Variants in WASF3 observed in about 807,000 individuals in gnomAD.
The protein encoded by WASF3 is WASP family member 3, also known as actin-binding protein WASF3.
WASF3 carries 11 observed loss-of-function variants against 46.6 expected under a neutral mutation model. The observed-to-expected ratio is 0.24, with a 90% confidence interval of 0.15 to 0.39. WASF3 has a LOEUF of 0.39. WASF3 is among the 10% of genes least tolerant of loss of function. WASF3 has a pLI of 1.00. For missense variants in WASF3, 576 were observed against 669.8 expected, an observed-to-expected ratio of 0.86 and a Z score of 1.55; for synonymous variants, 242 against 259.7, an observed-to-expected ratio of 0.93 and a Z score of 0.65.
At chr13:26,618,447 A>G (rs1011497360) in intron 2 of WASF3, among the ~76,000 whole-genome samples, 4 of 151,922 alleles carry the variant, frequency 2.6e-5, no homozygotes, top group African/African-American at 9.7e-5. Flanking sequence ...TCCTTCTCTG[A>G]CACACACTCT....
intron 1 of WASF3, among the ~76,000 whole-genome samples, chr13:26,611,071 C>T (rs912591396): frequency 1.6e-5 from 2 of 124,996 alleles, no homozygotes; most frequent in Non-Finnish European, 1.6e-5. Context: ...GGGGTTTTGC[C>T]GTGTTGCCCA....
upstream of WASF3, among the ~76,000 whole-genome samples, chr13:26,553,824 A>G (rs1408930015): frequency 6.6e-6 from 1 of 151,966 alleles, no homozygotes; most frequent in Non-Finnish European, 1.5e-5. Flanking sequence ...CTCAAAAAAA[A>G]AAAAAAATTA....
chr13:26,590,522 A>AAT (rs1441772566), intron 1 of WASF3, among the ~76,000 whole-genome samples: 1 of 152,150 alleles, frequency 6.6e-6, no homozygotes, highest in African/African-American at 2.4e-5. Context: ...ATGCCCTATA[A>AAT]ATCTACTCAC....
At chr13:26,559,756 T>A (rs1210726283) in intron 1 of WASF3, among the ~76,000 whole-genome samples, 1 of 151,348 alleles carries the variant, frequency 6.6e-6, no homozygotes, top group Non-Finnish European at 1.5e-5. Context: ...TGGCTCTCCA[T>A]TGCTGTAGAC....
At chr13:26,609,255 T>A (rs1451933520) in intron 1 of WASF3, 2 of 152,184 alleles carry the variant, frequency 1.3e-5, no homozygotes, top group Admixed American at 1.3e-4. Context: ...AATTTTATTA[T>A]CATTGACCTT....
intron 1 of WASF3, among the ~76,000 whole-genome samples, chr13:26,602,351 G>C (rs1880666499): frequency 6.6e-6 from 1 of 152,146 alleles, no homozygotes; most frequent in Admixed American, 6.6e-5. Flanking sequence ...GAGTTACTTA[G>C]GTGACTGAAC....
intron 1 of WASF3, among the ~76,000 whole-genome samples, chr13:26,595,064 A>G (rs1398140787): frequency 6.6e-6 from 1 of 152,210 alleles, no homozygotes; most frequent in South Asian, 2.1e-4. Flanking sequence ...GTATGTTTGT[A>G]TCATAGACAG....
chr13:26,625,533 TAAGAA>T (rs371349831), intron 2 of WASF3, among the ~76,000 whole-genome samples: 22 of 152,108 alleles, frequency 1.4e-4, no homozygotes, highest in African/African-American at 3.9e-4. Flanking sequence ...TGTCCCAACT[TAAGAA>T]GAGAGAGAGA....
At chr13:26,627,702 A>G (rs921686182) in intron 2 of WASF3, among the ~76,000 whole-genome samples, 8 of 152,128 alleles carry the variant, frequency 5.3e-5, no homozygotes, top group African/African-American at 1.9e-4. Flanking sequence ...AACACATACA[A>G]ATGTTGGATA....
intron 3 of WASF3, among the ~76,000 whole-genome samples, chr13:26,654,896 A>T (rs1882423025): frequency 6.6e-6 from 1 of 152,178 alleles, no homozygotes; most frequent in Non-Finnish European, 1.5e-5. Flanking sequence ...AAAGAGGAAA[A>T]AACTTTAAGC....
At position 26,568,673 on chromosome 13, in the gene WASF3, G is replaced by A. The variant is rs181123100; in HGVS notation, c.-109+10854G>A. On this transcript the variant is annotated intron_variant, in intron 1 of 9. Coordinates refer to ENST00000335327, the MANE Select transcript of WASF3 (RefSeq NM_006646.6). Reference sequence around the variant, plus strand: ...GCAGTCTGGAGCATTGTGTTAGAGTGATGTTAAGGTGGTATCTCAGCTCAG... The same window carrying A: ...GCAGTCTGGAGCATTGTGTTAGAGTAATGTTAAGGTGGTATCTCAGCTCAG... Among the ~76,000 whole-genome samples the A allele has an allele frequency of 8.2e-4, 125 of 152,304 alleles. 1 individual carries two copies. The highest frequency in any genetic ancestry group is 2.9e-3 in the African/African-American group (120 of 41,570).
intron 2 of WASF3, among the ~76,000 whole-genome samples, chr13:26,629,331 T>C (rs1160971613): frequency 2.0e-4 from 30 of 152,112 alleles, no homozygotes; most frequent in Non-Finnish European, 1.5e-5. Context: ...TTGTTCCTCA[T>C]CTTCCAGTTC....
chr13:26,665,311 A>AC, intron 4 of WASF3, 149 bp downstream of exon 4: 1 of 953,386 alleles, frequency 1.0e-6, no homozygotes, highest in Non-Finnish European at 1.5e-6. Flanking sequence ...GGAAAAACCT[A>AC]CAACTTTGTG....
At chr13:26,648,051 T>C (rs905109325) in intron 3 of WASF3, among the ~76,000 whole-genome samples, 1 of 152,150 alleles carries the variant, frequency 6.6e-6, no homozygotes, top group South Asian at 2.1e-4. Context: ...GTTGGACATA[T>C]AGTTATTTGT....
chr13:26,606,978 T>C (rs1880819030), intron 1 of WASF3: 1 of 152,238 alleles, frequency 6.6e-6, no homozygotes, highest in Non-Finnish European at 1.5e-5. Context: ...GGTGTAATTG[T>C]TCTATTTTAT....
intron 1 of WASF3, among the ~76,000 whole-genome samples, chr13:26,607,736 G>GCA (rs1230612857): frequency 6.6e-6 from 1 of 151,978 alleles, no homozygotes; most frequent in Non-Finnish European, 1.5e-5. Context: ...CCCGGGCTCA[G>GCA]GTGATCCTCC....
chr13:26,567,620 C>G (rs1019297852), intron 1 of WASF3, among the ~76,000 whole-genome samples: 3 of 151,984 alleles, frequency 2.0e-5, no homozygotes, highest in African/African-American at 7.3e-5. Context: ...ATTCCTGACC[C>G]TTGTTTTGGA....
intron 2 of WASF3, among the ~76,000 whole-genome samples, chr13:26,630,981 T>C (rs1388916473): frequency 6.6e-6 from 1 of 152,244 alleles, no homozygotes; most frequent in East Asian, 1.9e-4. Context: ...TCTGTTCATA[T>C]CCTTTGCCTA....
chr13:26,581,267 G>A (rs530016573), intron 1 of WASF3, among the ~76,000 whole-genome samples: 15 of 152,106 alleles, frequency 9.9e-5, no homozygotes, highest in Non-Finnish European at 1.2e-4. Flanking sequence ...TGAAAGTATC[G>A]GTTGTGATAA....
Sources: gnomAD v4.1 joint callset for allele counts (sites outside exome capture counted in the v4.1 genomes callset) on GRCh38, gnomAD v4.1.1 for gene constraint, MANE v1.5 for transcripts, NCBI Gene and HGNC (gene_info 2026-07-23, HGNC 2026-07-21) for gene names.